The following LMNTD1 variants were observed in gnomAD, a reference collection of about 807,000 sequenced individuals.
The protein encoded by LMNTD1 is lamin tail domain containing 1.
A neutral mutation model predicts 50.9 loss-of-function variants in LMNTD1; 35 were observed. The observed-to-expected ratio is 0.69, with a 90% CI of 0.53 to 0.91. LMNTD1 has a LOEUF of 0.91. Among genes scored for constraint, LMNTD1 ranks in the 40% least tolerant of loss-of-function variants. The pLI, the probability that LMNTD1 is intolerant of heterozygous loss-of-function variation, is 0.00. For missense variants in LMNTD1, 470 were observed against 475.5 expected, an observed-to-expected ratio of 0.99 and a Z score of 0.11; for synonymous variants, 153 against 161.9, an observed-to-expected ratio of 0.94 and a Z score of 0.42.
chr12:25,484,690 T>G (rs1199468497), intron 9 of LMNTD1, among the ~76,000 whole-genome samples: 1 of 129,362 alleles, frequency 7.7e-6, no homozygotes, highest in Non-Finnish European at 1.6e-5. Flanking sequence ...GAGTGTGATA[T>G]TCCCCTTCCT....
intron 1 of LMNTD1, among the ~76,000 whole-genome samples, chr12:25,643,829 T>TAG (rs1947001653): frequency 6.8e-6 from 1 of 146,802 alleles, no homozygotes; most frequent in African/African-American, 2.7e-5. Context: ...AGTTAGTTGA[T>TAG]TATGAGTCCA....
chr12:25,541,907 C>T (rs1408935134), intron 4 of LMNTD1, among the ~76,000 whole-genome samples: 82 of 151,536 alleles, frequency 5.4e-4, no homozygotes, highest in Non-Finnish European at 9.0e-4. Context: ...AAAAAGTGGG[C>T]GAAGGACATG....
chr12:25,555,870 G>A (rs1944018279), upstream of LMNTD1, among the ~76,000 whole-genome samples: 1 of 150,570 alleles, frequency 6.6e-6, no homozygotes, highest in African/African-American at 2.4e-5. Context: ...AGACTCAAAT[G>A]TTAATGGTGT....
At chr12:25,522,192 C>CAA (rs35623041) in intron 6 of LMNTD1, among the ~76,000 whole-genome samples, 10 of 151,862 alleles carry the variant, frequency 6.6e-5, no homozygotes, top group Non-Finnish European at 1.5e-4. Context: ...TAGATTATGG[C>CAA]AAAAAAATGG....
At chr12:25,492,652 T>C (rs747959757) in intron 9 of LMNTD1, among the ~76,000 whole-genome samples, 7 of 152,200 alleles carry the variant, frequency 4.6e-5, no homozygotes, top group South Asian at 2.1e-4. Flanking sequence ...ATGATCCATA[T>C]TTTCTTTGGT....
chr12:25,609,572 T>C (rs929295555), intron 1 of LMNTD1, among the ~76,000 whole-genome samples: 3 of 152,220 alleles, frequency 2.0e-5, no homozygotes, highest in African/African-American at 7.2e-5. Flanking sequence ...CTTCTAACAG[T>C]CAGGTCCCTC....
chr12:25,586,499 T>G (rs528872679), intron 1 of LMNTD1, among the ~76,000 whole-genome samples: 1 of 152,286 alleles, frequency 6.6e-6, no homozygotes, highest in East Asian at 1.9e-4. Flanking sequence ...CACTTTCATT[T>G]TTTCTCCTCC....
intron 8 of LMNTD1, among the ~76,000 whole-genome samples, chr12:25,508,082 CATG>C (rs1316869875): frequency 2.0e-5 from 3 of 147,798 alleles, no homozygotes; most frequent in African/African-American, 7.4e-5. Context: ...TTAATGGAAC[CATG>C]CTTTCTTCCC....
intron 4 of LMNTD1, among the ~76,000 whole-genome samples, chr12:25,537,205 C>T (rs1218019699): frequency 1.3e-5 from 2 of 152,162 alleles, no homozygotes; most frequent in Non-Finnish European, 2.9e-5. Context: ...CCTGGAAGCT[C>T]GAACTGGGTG....
chr12:25,645,043 A>G (rs1417144705), intron 1 of LMNTD1, among the ~76,000 whole-genome samples: 1 of 152,226 alleles, frequency 6.6e-6, no homozygotes, highest in African/African-American at 2.4e-5. Flanking sequence ...GGGGAACTTT[A>G]TTAGGGAAAA....
chr12:25,549,282 G>C, intron 3 of LMNTD1, 44 bp downstream of exon 3: 1 of 1,085,576 alleles, frequency 9.2e-7, no homozygotes, highest in Non-Finnish European at 1.4e-6. Flanking sequence ...TGAAATATAA[G>C]CTTTAAAAGT....
chr12:25,489,607 A>T lies in LMNTD1; in HGVS notation c.*23-13147T>A, dbSNP rs1343692943. Among the ~76,000 whole-genome samples the T allele has an allele frequency of 4.0e-5, 6 of 151,420 alleles. No individual in the cohort carries two copies. In the East Asian group the frequency reaches 5.8e-4, roughly 15 times the overall value. ...AGTCTTCTGCGTCGCTCACGCTGGGAGCTGTAGACCGGAGCTGTTCCTATT... is the reference window on the plus strand; with the variant it reads ...AGTCTTCTGCGTCGCTCACGCTGGGTGCTGTAGACCGGAGCTGTTCCTATT... On this transcript the variant is annotated intron_variant, in intron 9 of 9. Coordinates refer to ENST00000458174, the MANE Select transcript of LMNTD1 (RefSeq NM_001145728.2).
intron 9 of LMNTD1, among the ~76,000 whole-genome samples, chr12:25,484,573 A>G (rs187944486): frequency 0.073 from 10,998 of 151,240 alleles, 503 homozygotes; most frequent in Middle Eastern, 0.092. Flanking sequence ...TTACATATGT[A>G]TACATGTGCC....
chr12:25,644,071 A>T (rs1049501571), intron 1 of LMNTD1, among the ~76,000 whole-genome samples: 3 of 152,190 alleles, frequency 2.0e-5, no homozygotes, highest in African/African-American at 7.2e-5. Context: ...CAGCTGGATC[A>T]GTTGTGGCTG....
At chr12:25,525,584 T>C (rs1277618464) in intron 6 of LMNTD1, among the ~76,000 whole-genome samples, 1 of 152,174 alleles carries the variant, frequency 6.6e-6, no homozygotes, top group East Asian at 1.9e-4. Flanking sequence ...AAAATTATTT[T>C]TGCCAAATTG....
intron 1 of LMNTD1, among the ~76,000 whole-genome samples, chr12:25,609,323 G>A (rs887705897): frequency 2.0e-5 from 3 of 152,152 alleles, no homozygotes; most frequent in African/African-American, 7.2e-5. Context: ...GCCTACTTCT[G>A]TCAACTTGTC....
At chr12:25,549,606 AAAG>A (rs1475423729) in intron 2 of LMNTD1, 60 bp from the exon 3 acceptor site, 3 of 968,826 alleles carry the variant, frequency 3.1e-6, no homozygotes, top group Non-Finnish European at 4.4e-6. Context: ...GCTGTGAATA[AAAG>A]AAGCATGGGC....
At chr12:25,490,222 A>C (rs1283305463) in intron 9 of LMNTD1, among the ~76,000 whole-genome samples, 1 of 152,256 alleles carries the variant, frequency 6.6e-6, no homozygotes, top group Non-Finnish European at 1.5e-5. Context: ...GAAACTATGG[A>C]AAATGACAGA....
intron 1 of LMNTD1, among the ~76,000 whole-genome samples, chr12:25,564,177 C>T (rs1334372405): frequency 2.0e-5 from 3 of 152,202 alleles, no homozygotes; most frequent in Non-Finnish European, 2.9e-5. Context: ...AACCCGGTAC[C>T]TCAGCTGGAA....
Sources: gnomAD v4.1 joint callset for allele counts (sites outside exome capture counted in the v4.1 genomes callset) on GRCh38, gnomAD v4.1.1 for gene constraint, MANE v1.5 for transcripts, NCBI Gene and HGNC (gene_info 2026-07-23, HGNC 2026-07-21) for gene names.